Variants in ARL8B observed in about 807,000 individuals in gnomAD.
The protein encoded by ARL8B is ADP-ribosylation factor-like protein 8B.
ARL8B carries 9 observed loss-of-function variants against 30.6 expected under a neutral mutation model. The observed-to-expected ratio is 0.29, with a 90% CI of 0.18 to 0.51. The LOEUF (loss-of-function observed/expected upper bound fraction) is 0.51, where lower values mean the gene tolerates loss of function less well. ARL8B is among the 20% of genes least tolerant of loss of function. ARL8B has a pLI of 0.97. For missense variants in ARL8B, 130 were observed against 227.2 expected, an observed-to-expected ratio of 0.57 and a Z score of 2.75; for synonymous variants, 74 against 76.0, an observed-to-expected ratio of 0.97 and a Z score of 0.14.
At chr3:5,125,435 TC>T (rs527890160) in intron 1 of ARL8B, among the ~76,000 whole-genome samples, 12 of 151,520 alleles carry the variant, frequency 7.9e-5, no homozygotes, top group South Asian at 2.1e-4. Flanking sequence ...CATCATGTGT[TC>T]CCCCCTGCCC....
At chr3:5,134,412 G>A (rs145506525) in intron 1 of ARL8B, among the ~76,000 whole-genome samples, 2 of 152,338 alleles carry the variant, frequency 1.3e-5, no homozygotes, top group African/African-American at 4.8e-5. Flanking sequence ...TTCGTTTGCA[G>A]GCTGGGAAGC....
chr3:5,144,241 C>T (rs1396981038), intron 1 of ARL8B, among the ~76,000 whole-genome samples: 2 of 152,168 alleles, frequency 1.3e-5, no homozygotes, highest in East Asian at 3.9e-4. Flanking sequence ...AAGACTTCCA[C>T]CTAGCCAGAA....
chr3:5,124,110 C>A (rs2054207949), intron 1 of ARL8B, among the ~76,000 whole-genome samples: 1 of 152,174 alleles, frequency 6.6e-6, no homozygotes, highest in Non-Finnish European at 1.5e-5. Context: ...CTCATGTGAT[C>A]CGCCCGACTC....
intron 1 of ARL8B, 61 bp downstream of exon 1, chr3:5,122,649 C>T (rs763093973): frequency 9.7e-5 from 149 of 1,541,574 alleles, no homozygotes; most frequent in Non-Finnish European, 1.2e-4. Context: ...CCCGGCGCTT[C>T]TCCAAGGCCT....
At position 5,178,832 on chromosome 3, in the gene ARL8B, GTTTA is replaced by G. The variant is rs1402442830; in HGVS notation, c.*123_*126del. ...AACCCCAGAAATTGCCTTTTTCAGA[GTTTA>G]TTTCTCATGTGCACTGCTGAAGATG... On this transcript the variant is annotated 3_prime_UTR_variant, in exon 7 of 7. Transcript: ENST00000256496. 9 of 1,528,994 alleles carry G rather than the reference GTTTA, an allele frequency of 5.9e-6. No homozygotes were observed. The highest frequency in any genetic ancestry group is 1.8e-6 in the Non-Finnish European group (2 of 1,137,304). 94.7% of individuals were successfully genotyped at this position (1,528,994 alleles called of 1,614,324 possible). A position where few individuals can be genotyped will look rare whatever the true frequency, so the allele number is the denominator to read the frequency against.
At chr3:5,170,075 C>T (rs1018330298) in intron 1 of ARL8B, among the ~76,000 whole-genome samples, 2 of 152,084 alleles carry the variant, frequency 1.3e-5, no homozygotes, top group African/African-American at 2.4e-5. Context: ...TTTTATAAGC[C>T]TTATTAAAAG....
At chr3:5,159,602 C>CAAAAAAAAAAAAAAAAAA (rs71053495) in intron 1 of ARL8B, among the ~76,000 whole-genome samples, 1 of 77,068 alleles carries the variant, frequency 1.3e-5, no homozygotes, top group Non-Finnish European at 2.6e-5. Flanking sequence ...AACTCCGTCT[C>CAAAAAAAAAAAAAAAAAA]AAAAAAAAAA....
intron 1 of ARL8B, among the ~76,000 whole-genome samples, chr3:5,152,247 G>A (rs1230108763): frequency 6.6e-6 from 1 of 152,070 alleles, no homozygotes; most frequent in Non-Finnish European, 1.5e-5. Context: ...TGCTTTATGT[G>A]TTTTGAAGTT....
At chr3:5,132,689 C>A (rs1212548868) in intron 1 of ARL8B, among the ~76,000 whole-genome samples, 2 of 152,102 alleles carry the variant, frequency 1.3e-5, no homozygotes, top group African/African-American at 4.8e-5. Context: ...TCTTTAAATA[C>A]TGAATGAATG....
At chr3:5,133,516 C>T (rs1021317631) in intron 1 of ARL8B, among the ~76,000 whole-genome samples, 1 of 152,106 alleles carries the variant, frequency 6.6e-6, no homozygotes, top group Non-Finnish European at 1.5e-5. Flanking sequence ...TTTGCAAAGA[C>T]CCTTTTAAAG....
chr3:5,125,708 T>C (rs552580383), intron 1 of ARL8B, among the ~76,000 whole-genome samples: 16 of 152,122 alleles, frequency 1.1e-4, no homozygotes, highest in Non-Finnish European at 2.2e-4. Context: ...AATTTTTGTA[T>C]TTTTAGTAGA....
chr3:5,142,594 G>A (rs1388414650), intron 1 of ARL8B, among the ~76,000 whole-genome samples: 1 of 152,094 alleles, frequency 6.6e-6, no homozygotes, highest in Non-Finnish European at 1.5e-5. Flanking sequence ...TTTGACCCAG[G>A]CGTTTACATC....
In ARL8B at chr3:5,122,582, C is replaced by T. The variant is rs141649171; in HGVS notation, c.117C>T (p.Val39=). Reference sequence around the variant, plus strand: ...CGGGCAAGACCACCTTCGTCAATGTCATCGCGGTGAGCGCCCGCCCACTCA... The same window carrying T: ...CGGGCAAGACCACCTTCGTCAATGTTATCGCGGTGAGCGCCCGCCCACTCA... The part of the protein sequence containing the change: ...QYSGKTTFVN[V]IASGQFSEDM... Residue 39 remains valine (V), a synonymous_variant, in exon 1 of 7, where the codon GTC becomes GTT. Transcript: ENST00000256496. 9 of 1,600,124 alleles carry T rather than the reference C, an allele frequency of 5.6e-6. No homozygotes were observed. Among genetic ancestry groups the T allele is most frequent in the Non-Finnish European group, 6.8e-6 (8 of 1,171,124 alleles).
chr3:5,171,974 G>A (rs577392561), intron 2 of ARL8B, among the ~76,000 whole-genome samples, 176 bp from the exon 3 acceptor site: 42 of 152,292 alleles, frequency 2.8e-4, no homozygotes, highest in African/African-American at 1.0e-3. Flanking sequence ...TTTAGAAGTG[G>A]CCCCAAGAAT....
chr3:5,171,699 T>G (rs2054678034), intron 2 of ARL8B, among the ~76,000 whole-genome samples: 1 of 152,232 alleles, frequency 6.6e-6, no homozygotes, highest in Non-Finnish European at 1.5e-5. Context: ...GGCTACTTAT[T>G]TACAGGATAA....
chr3:5,128,089 G>A (rs1242306128), intron 1 of ARL8B, among the ~76,000 whole-genome samples: 2 of 149,722 alleles, frequency 1.3e-5, no homozygotes, highest in East Asian at 3.9e-4. Context: ...CTTGAACCTG[G>A]GAGGCGGAGG....
At chr3:5,178,545 G>A in intron 6 of ARL8B, 119 bp from the exon 7 acceptor site, 1 of 879,196 alleles carries the variant, frequency 1.1e-6, no homozygotes. Flanking sequence ...TGCAGATGCA[G>A]AAAAGCAGCA....
chr3:5,127,081 G>T (rs1347194331), intron 1 of ARL8B, among the ~76,000 whole-genome samples: 1 of 152,294 alleles, frequency 6.6e-6, no homozygotes, highest in African/African-American at 2.4e-5. Context: ...AGATATTTGG[G>T]AAGACTGTAG....
At chr3:5,163,496 T>C (rs2054598967) in intron 1 of ARL8B, among the ~76,000 whole-genome samples, 1 of 152,178 alleles carries the variant, frequency 6.6e-6, no homozygotes, top group Admixed American at 6.5e-5. Flanking sequence ...GTTCTGAAAT[T>C]GGGAGAAAAT....
Sources: allele counts gnomAD v4.1 joint callset (sites outside exome capture counted in the v4.1 genomes callset), GRCh38; gene constraint gnomAD v4.1.1; transcripts MANE v1.5; gene names NCBI Gene and HGNC (gene_info 2026-07-23, HGNC 2026-07-21).